CLVS1: variants seen among roughly 807,000 people sequenced by gnomAD.
CLVS1 encodes the protein clavesin-1.
A neutral mutation model predicts 33.1 loss-of-function variants in CLVS1; 10 were observed. The ratio of observed to expected loss-of-function variants is 0.30; its 90% confidence interval spans 0.19 to 0.51. The LOEUF is 0.51. Ranked by LOEUF, CLVS1 falls within the 20% of genes least tolerant of loss-of-function variation. The pLI, the probability that CLVS1 is intolerant of heterozygous loss-of-function variation, is 0.97. For missense variants in CLVS1, 343 were observed against 433.4 expected (o/e 0.79, Z 1.85); for synonymous variants, 163 against 166.1 (o/e 0.98, Z 0.14).
intron 2 of CLVS1, among the ~76,000 whole-genome samples, chr8:61,165,386 G>C (rs2163610): frequency 0.28 from 42,794 of 152,194 alleles, 8,035 homozygotes; most frequent in Middle Eastern, 0.45. Flanking sequence ...GGACCCAAAG[G>C]GGGTTGCCCT....
intron 1 of CLVS1, among the ~76,000 whole-genome samples, chr8:61,106,976 A>G (rs1805549278): frequency 6.6e-6 from 1 of 152,198 alleles, no homozygotes; most frequent in African/African-American, 2.4e-5. Flanking sequence ...GGGAGTGCTC[A>G]GGCCATGACA....
chr8:61,482,210 C>A (rs1818220793), intron 5 of CLVS1, among the ~76,000 whole-genome samples: 1 of 152,202 alleles, frequency 6.6e-6, no homozygotes, highest in Non-Finnish European at 1.5e-5. Context: ...TCACCAACAT[C>A]AAAGACCAAA....
chr8:61,382,604 A>G (rs1037716137), intron 3 of CLVS1, among the ~76,000 whole-genome samples: 1 of 152,178 alleles, frequency 6.6e-6, no homozygotes, highest in African/African-American at 2.4e-5. Flanking sequence ...AACACATGGT[A>G]TTATAGTAGA....
chr8:60,984,176 T>C, the CLVS1 span, among the ~76,000 whole-genome samples: 4 of 152,164 alleles, frequency 2.6e-5, no homozygotes, highest in African/African-American at 7.2e-5. Flanking sequence ...TCTTTCTCAT[T>C]CCAGCACCTG....
At chr8:61,264,552 C>CCA (rs1443353068) in intron 2 of CLVS1, 1 of 138,552 alleles carries the variant, frequency 7.2e-6, no homozygotes, top group Non-Finnish European at 1.7e-5. Flanking sequence ...TGGTTTCGCC[C>CCA]TAAAAGGGCA....
chr8:61,003,426 G>A, the CLVS1 span, among the ~76,000 whole-genome samples: 5 of 152,156 alleles, frequency 3.3e-5, no homozygotes, highest in Non-Finnish European at 4.4e-5. Flanking sequence ...TCAAGTGAGC[G>A]AGGTCTAGGC....
intron 3 of CLVS1, among the ~76,000 whole-genome samples, chr8:61,380,127 C>A (rs915128763): frequency 2.6e-5 from 4 of 152,174 alleles, no homozygotes; most frequent in Admixed American, 2.6e-4. Context: ...TTCTGGATTA[C>A]TCACATTCCC....
the CLVS1 span, among the ~76,000 whole-genome samples, chr8:61,001,224 T>C: frequency 6.6e-6 from 1 of 152,146 alleles, no homozygotes; most frequent in Non-Finnish European, 1.5e-5. Flanking sequence ...TGGGCTCAAG[T>C]GATCTTCCTG....
rs61146034 is a variant in CLVS1, at chr8:61,416,305, G to GATAC, written c.631-37788_631-37785dup. ...AGATAGCTAGCTAGCTAGCTAGCTA[G>GATAC]ATACATACATACATACATACATACA... On this transcript the variant is annotated intron_variant, in intron 3 of 5. Coordinates refer to ENST00000325897, the MANE Select transcript of CLVS1 (RefSeq NM_173519.3). Among the ~76,000 whole-genome samples, 925 of 107,208 alleles carry GATAC rather than the reference G, an allele frequency of 8.6e-3. 3 individuals are homozygous for GATAC. The highest frequency in any genetic ancestry group is 0.022 in the African/African-American group (533 of 23,940). The allele number at this position is 107,208 out of a possible 152,430, so 70.3% of individuals were successfully genotyped here. A position where few individuals can be genotyped will look rare whatever the true frequency, so the allele number is the denominator to read the frequency against.
At chr8:61,119,674 T>TG (rs1359835046) in intron 1 of CLVS1, among the ~76,000 whole-genome samples, 2 of 145,450 alleles carry the variant, frequency 1.4e-5, no homozygotes, top group Non-Finnish European at 3.0e-5. Flanking sequence ...TGAAAATTCT[T>TG]GTCTTTAAGA....
intron 2 of CLVS1, among the ~76,000 whole-genome samples, chr8:61,220,307 T>G (rs1585699475): frequency 7.2e-6 from 1 of 139,376 alleles, no homozygotes; most frequent in South Asian, 2.5e-4. Context: ...ACATTTAAGT[T>G]TTTAATCCAT....
the CLVS1 span, among the ~76,000 whole-genome samples, chr8:61,040,667 C>T: frequency 6.6e-6 from 1 of 152,120 alleles, no homozygotes; most frequent in Admixed American, 6.6e-5. Flanking sequence ...ATGTCCTTTG[C>T]TTACTTTTCA....
intron 1 of CLVS1, among the ~76,000 whole-genome samples, chr8:61,086,752 T>A (rs1017373308): frequency 5.9e-5 from 9 of 152,338 alleles, no homozygotes; most frequent in African/African-American, 1.7e-4. Context: ...TAAGAGACCT[T>A]GATCCTGTCT....
intron 1 of CLVS1, among the ~76,000 whole-genome samples, chr8:61,108,582 G>A (rs971800162): frequency 4.6e-5 from 7 of 152,154 alleles, no homozygotes; most frequent in Admixed American, 2.0e-4. Flanking sequence ...ATACTTCCAT[G>A]GGTAAGCCTA....
rs192251578 is a variant in CLVS1, at chr8:61,482,169, A to G, written c.978-17286A>G. ...TTAGAAGGAAAACTAACAAACAGAA[A>G]GGACATCCACACCAAAACCCCATCT... is the stretch of plus-strand genomic sequence containing the variant. On this transcript the variant is annotated intron_variant, in intron 5 of 5. Transcript: ENST00000325897. Among the ~76,000 whole-genome samples the G allele has an allele frequency of 1.4e-4, 21 of 152,366 alleles. 2 individuals carry two copies. The East Asian group carries it at 3.7e-3, about 27-fold the overall frequency.
Position 61,357,489 on chromosome 8 carries a change from C to CTTTTTTTTTTT in CLVS1, c.456-19112_456-19111insTTTTTTTTTTT, listed in dbSNP as rs1462908906. ...TTTTCCTTCTTTTTCTTTCCTTTTT[C>CTTTTTTTTTTT]TTTTCTTTTTTTTTTTTTTTTTTTT... On this transcript the variant is annotated intron_variant, in intron 2 of 5. Transcript: ENST00000325897. 1.1e-3 allele frequency among the ~76,000 whole-genome samples: 34 copies of CTTTTTTTTTTT among 30,266 alleles called. 2 individuals are homozygous for CTTTTTTTTTTT. In the East Asian group the frequency reaches 0.018, roughly 16 times the overall value. 19.9% of individuals were successfully genotyped at this position (30,266 alleles called of 152,430 possible).
intron 2 of CLVS1, among the ~76,000 whole-genome samples, chr8:61,374,984 A>T (rs369762698): frequency 3.9e-4 from 60 of 152,260 alleles, no homozygotes; most frequent in African/African-American, 1.4e-3. Context: ...CTCTCTCCTG[A>T]AAAAGTCTTG....
intron 2 of CLVS1, among the ~76,000 whole-genome samples, chr8:61,313,771 G>T (rs1810920947): frequency 6.6e-6 from 1 of 152,172 alleles, no homozygotes; most frequent in South Asian, 2.1e-4. Flanking sequence ...TTCCTGTTGA[G>T]TTGACTGGAG....
chr8:61,495,691 G>A (rs1586059741), intron 5 of CLVS1, among the ~76,000 whole-genome samples: 1 of 152,350 alleles, frequency 6.6e-6, no homozygotes, highest in African/African-American at 2.4e-5. Flanking sequence ...AATACAGCCA[G>A]ATTTCCCTTT....
Sources: allele counts gnomAD v4.1 joint callset (sites outside exome capture counted in the v4.1 genomes callset), GRCh38; gene constraint gnomAD v4.1.1; transcripts MANE v1.5; gene names NCBI Gene and HGNC (gene_info 2026-07-23, HGNC 2026-07-21).